The following PDE10A variants were observed in gnomAD, a reference collection of about 807,000 sequenced individuals.
The protein encoded by PDE10A is phosphodiesterase 10A.
In PDE10A, 39 loss-of-function variants were observed where a neutral mutation model predicts 97.7. The ratio of observed to expected loss-of-function variants is 0.40; its 90% CI spans 0.31 to 0.52. The LOEUF is 0.52. Among genes scored for constraint, PDE10A ranks in the 20% least tolerant of loss-of-function variants. PDE10A has a pLI of 0.56. For missense variants in PDE10A, 731 were observed against 1,047.8 expected, an observed-to-expected ratio of 0.70 and a Z score of 4.17; for synonymous variants, 371 against 376.8, an observed-to-expected ratio of 0.98 and a Z score of 0.18.
intron 1 of PDE10A, among the ~76,000 whole-genome samples, chr6:165,553,209 C>T (rs527930758): frequency 6.6e-6 from 1 of 152,096 alleles, no homozygotes; most frequent in African/African-American, 2.4e-5. Flanking sequence ...TAGATAGGCT[C>T]TAAATTTCTT....
chr6:165,854,058 G>C (rs754384127), intron 1 of PDE10A, among the ~76,000 whole-genome samples: 23 of 152,198 alleles, frequency 1.5e-4, no homozygotes, highest in Admixed American at 5.2e-4. Context: ...GGCTGCGCTG[G>C]ACCCAGACAG....
intron 1 of PDE10A, among the ~76,000 whole-genome samples, chr6:165,576,172 A>G (rs890538814): frequency 6.6e-6 from 1 of 152,210 alleles, no homozygotes; most frequent in Non-Finnish European, 1.5e-5. Context: ...AAACTAACCC[A>G]TCCAGTATGA....
chr6:165,608,221 C>T (rs1787317557), intron 1 of PDE10A, among the ~76,000 whole-genome samples: 1 of 150,164 alleles, frequency 6.7e-6, no homozygotes, highest in Non-Finnish European at 1.5e-5. Flanking sequence ...ATTAACTCGT[C>T]ATTTACATTA....
chr6:165,573,752 G>A lies in PDE10A; in HGVS notation c.866-30184C>T, dbSNP rs1400771487. On this transcript the variant is annotated intron_variant, in intron 1 of 21. Transcript: ENST00000539869. ...TAAACAGACAGGAATCTGGCCTACA[G>A]TCAAGAAAAGCAATAAAAAAAAAAT... is the stretch of plus-strand genomic sequence containing the variant. 2.6e-5 allele frequency among the ~76,000 whole-genome samples: 4 copies of A among 152,112 alleles called. 1 individual carries two copies. The highest frequency in any genetic ancestry group is 9.7e-5 in the African/African-American group (4 of 41,424).
intron 1 of PDE10A, among the ~76,000 whole-genome samples, chr6:165,813,812 C>G (rs1049335413): frequency 6.6e-6 from 1 of 151,780 alleles, no homozygotes; most frequent in Non-Finnish European, 1.5e-5. Context: ...ATAGTCTGAC[C>G]GTCATAGACA....
intron 1 of PDE10A, among the ~76,000 whole-genome samples, chr6:165,569,073 C>T (rs1306860728): frequency 1.3e-5 from 2 of 152,126 alleles, no homozygotes; most frequent in East Asian, 1.9e-4. Context: ...AATATTTCAT[C>T]AAATAATTCT....
At chr6:165,982,265 C>A (rs558812764) in intron 1 of PDE10A, among the ~76,000 whole-genome samples, 1 of 152,298 alleles carries the variant, frequency 6.6e-6, no homozygotes, top group African/African-American at 2.4e-5. Context: ...CAGAGTCTCC[C>A]CTTTGGGTGG....
intron 20 of PDE10A, among the ~76,000 whole-genome samples, chr6:165,338,470 A>G (rs1410691215): frequency 6.6e-6 from 1 of 152,226 alleles, no homozygotes; most frequent in East Asian, 1.9e-4. Flanking sequence ...GTGCAAAACT[A>G]GCGAGGCACA....
intron 1 of PDE10A, among the ~76,000 whole-genome samples, chr6:165,621,709 T>C (rs907686669): frequency 2.6e-5 from 4 of 151,144 alleles, no homozygotes; most frequent in African/African-American, 9.8e-5. Context: ...TGAGCCGAGA[T>C]TGCGCCACTG....
intron 2 of PDE10A, among the ~76,000 whole-genome samples, chr6:165,517,488 T>A (rs1339789768): frequency 6.6e-6 from 1 of 152,200 alleles, no homozygotes; most frequent in Non-Finnish European, 1.5e-5. Context: ...TATCCATAAT[T>A]TCCCCCAAAT....
At chr6:165,861,737 G>A (rs1028728719) in intron 1 of PDE10A, among the ~76,000 whole-genome samples, 13 of 152,120 alleles carry the variant, frequency 8.5e-5, no homozygotes, top group Admixed American at 3.3e-4. Flanking sequence ...CCGAGGGGCT[G>A]CGAGAAGTTA....
At chr6:165,630,254 T>C (rs951084254) in intron 1 of PDE10A, among the ~76,000 whole-genome samples, 4 of 152,118 alleles carry the variant, frequency 2.6e-5, no homozygotes, top group African/African-American at 9.7e-5. Context: ...AGGTTCAGGC[T>C]GGACAATCAC....
At chr6:165,970,575 A>T (rs1784638880) in intron 1 of PDE10A, among the ~76,000 whole-genome samples, 1 of 152,230 alleles carries the variant, frequency 6.6e-6, no homozygotes, top group Admixed American at 6.5e-5. Flanking sequence ...GATTTAATAG[A>T]AGAAATGACT....
intron 1 of PDE10A, among the ~76,000 whole-genome samples, chr6:165,944,887 T>C (rs1783715000): frequency 6.6e-6 from 1 of 152,230 alleles, no homozygotes; most frequent in African/African-American, 2.4e-5. Context: ...GAAAAGTCTA[T>C]GTGAAGTGAA....
intron 1 of PDE10A, among the ~76,000 whole-genome samples, chr6:165,677,837 C>T (rs534481264): frequency 1.2e-4 from 18 of 151,250 alleles, no homozygotes; most frequent in South Asian, 2.1e-4. Flanking sequence ...GATGTGTGCG[C>T]GTTTGTGTAT....
rs367658943 is a variant in PDE10A, at chr6:165,942,320, G to GCA, written c.-615+45207_-615+45208dup. 1.9e-4 allele frequency among the ~76,000 whole-genome samples: 28 copies of GCA among 150,636 alleles called. No homozygotes were observed. In the South Asian group the frequency reaches 2.5e-3, roughly 14 times the overall value. On this transcript the variant is annotated intron_variant, in intron 1 of 19. Transcript: ENST00000366882. ...TATATATATACACACACATATATGC[G>GCA]CACACACACACACACCCCTTCACAA...
intron 5 of PDE10A, among the ~76,000 whole-genome samples, chr6:165,444,206 T>A (rs557954436): frequency 6.3e-4 from 96 of 152,262 alleles, no homozygotes; most frequent in Non-Finnish European, 1.1e-3. Context: ...ATTCAACAAG[T>A]CTCTTGGAAG....
chr6:165,637,554 C>G (rs1166345936), intron 1 of PDE10A, among the ~76,000 whole-genome samples: 2 of 152,198 alleles, frequency 1.3e-5, no homozygotes. Flanking sequence ...TCATTCCATA[C>G]ATTCTGGAGA....
intron 18 of PDE10A, among the ~76,000 whole-genome samples, chr6:165,353,419 A>G (rs1782824025): frequency 6.6e-6 from 1 of 152,222 alleles, no homozygotes; most frequent in South Asian, 2.1e-4. Flanking sequence ...ATGTTTACAC[A>G]AAAACCTGCA....
Sources: gnomAD v4.1 joint callset for allele counts (sites outside exome capture counted in the v4.1 genomes callset) on GRCh38, gnomAD v4.1.1 for gene constraint, MANE v1.5 for transcripts, NCBI Gene and HGNC (gene_info 2026-07-23, HGNC 2026-07-21) for gene names.